SAT1: variants seen among roughly 807,000 people sequenced by gnomAD.
SAT1 encodes diamine acetyltransferase 1.
SAT1 carries 1 observed loss-of-function variant against 14.7 expected under a neutral mutation model. The observed-to-expected ratio is 0.07, with a 90% CI of 0.02 to 0.32. The LOEUF is 0.32. SAT1 is among the 10% of genes least tolerant of loss of function. The pLI, the probability that SAT1 is intolerant of heterozygous loss-of-function variation, is 1.00. For synonymous variants in SAT1, 67 were observed against 46.1 expected (o/e 1.45, Z -1.84); for missense variants, 77 against 129.1 (o/e 0.60, Z 1.96).
chrX:23,783,435 C>T lies in SAT1; in HGVS notation c.66+18C>T. The T allele has an allele frequency of 8.4e-7, 1 of 1,193,679 alleles. No homozygotes were observed. Among genetic ancestry groups the T allele is most frequent in the Non-Finnish European group, 1.1e-6 (1 of 880,256 alleles). On this transcript the variant is annotated intron_variant, in intron 1 of 5. Coordinates refer to ENST00000379270, the MANE Select transcript of SAT1 (RefSeq NM_002970.4). Reference sequence around the variant, plus strand: ...TGATCAAGGTAGCGGAGAGCCAGAGCTCCTCCCGGGGCGTGGGGTGGAGGT... The same window carrying T: ...TGATCAAGGTAGCGGAGAGCCAGAGTTCCTCCCGGGGCGTGGGGTGGAGGT...
intron 1 of SAT1, 101 bp downstream of exon 1, chrX:23,783,518 C>A: frequency 1.1e-6 from 1 of 951,464 alleles, no homozygotes; most frequent in Non-Finnish European, 1.4e-6. Flanking sequence ...GGTGTGAGAG[C>A]CCAGCCTGTT....
rs997021728 is a variant in SAT1 at position 23,786,007 on chromosome X, T to G, written c.*151T>G. Reference sequence around the variant, plus strand: ...GCGTTGTTGCATGTTTGAAATGAGGTCTGTTTAAAGTGGCAATCTCAGATG... The same window carrying G: ...GCGTTGTTGCATGTTTGAAATGAGGGCTGTTTAAAGTGGCAATCTCAGATG... On this transcript the variant is annotated 3_prime_UTR_variant, in exon 6 of 6. Coordinates refer to ENST00000379270, the MANE Select transcript of SAT1 (RefSeq NM_002970.4). The G allele has an allele frequency of 7.4e-5, 35 of 470,913 alleles. 1 individual carries two copies. The African/African-American group carries it at 7.9e-4, about 11-fold the overall frequency. 38.8% of individuals were successfully genotyped at this position (470,913 alleles called of 1,213,427 possible). A position where few individuals can be genotyped will look rare whatever the true frequency, so the allele number is the denominator to read the frequency against.
Position 23,783,786 on chromosome X carries a change from C to T in SAT1, c.119-14C>T, listed in dbSNP as rs1336985305. On this transcript the variant is annotated splice_polypyrimidine_tract_variant and intron_variant, in intron 2 of 5. Coordinates refer to ENST00000379270, the MANE Select transcript of SAT1 (RefSeq NM_002970.4). ...CGCCAAGGCCATTACCGCCCCTGCTCCCCCTTCTTGCAGATCTGCTAGAAG... is the reference window on the plus strand; with the variant it reads ...CGCCAAGGCCATTACCGCCCCTGCTTCCCCTTCTTGCAGATCTGCTAGAAG... 2 of 1,211,680 alleles carry T rather than the reference C, an allele frequency of 1.7e-6. No homozygotes were observed. Among genetic ancestry groups the T allele is most frequent in the South Asian group, 1.8e-5 (1 of 56,985 alleles).
chrX:23,783,582 T>G, intron 1 of SAT1, 76 bp from the exon 2 acceptor site: 2 of 531,826 alleles, frequency 3.8e-6, no homozygotes, highest in Non-Finnish European at 5.8e-6. Flanking sequence ...CCCGCCCCAT[T>G]CCGTTCCCCT....
At chrX:23,784,832 T>A (rs1296542020) in intron 3 of SAT1, 1 of 114,413 alleles carries the variant, frequency 8.7e-6, no homozygotes, top group Non-Finnish European at 1.8e-5. Flanking sequence ...GTTCTGAAAT[T>A]AAACGTTGTA....
chrX:23,783,214 C>G lies in SAT1; in HGVS notation c.-138C>G. 3.6e-6 allele frequency: 2 copies of G among 549,699 alleles called. No individual in the cohort carries two copies. Among genetic ancestry groups the G allele is most frequent in the African/African-American group, 2.3e-5 (1 of 44,340 alleles). 45.3% of individuals were successfully genotyped at this position (549,699 alleles called of 1,213,427 possible). The stretch of plus-strand genomic sequence containing the variant: ...CGGGCCGACTGGTGTTTATCCGTCA[C>G]TCGCCGAGGTTCCTTGGGTCATGGT... On this transcript the variant is annotated 5_prime_UTR_variant, in exon 1 of 6. Coordinates refer to ENST00000379270, the MANE Select transcript of SAT1 (RefSeq NM_002970.4).
In SAT1 at chrX:23,783,364, G is replaced by C. The variant is rs1922571273; in HGVS notation, c.13G>C (p.Val5Leu). The C allele has an allele frequency of 8.3e-7, 1 of 1,211,306 alleles. No individual in the cohort carries two copies. Among genetic ancestry groups the C allele is most frequent in the Non-Finnish European group, 1.1e-6 (1 of 895,025 alleles). ...GCAAAAGACGAAAATGGCTAAATTC[G>C]TGATCCGCCCAGCCACTGCCGCCGA... MAKFVIRPATAADCS... is the reference protein window; with the variant it reads MAKFLIRPATAADCS... The change falls in exon 1 of 6, where the codon GTG becomes CTG. Residue 5 changes from valine (V) to leucine (L), a missense_variant. Transcript: ENST00000379270.
chrX:23,784,233 G>A, intron 3 of SAT1: 10 of 863,778 alleles, frequency 1.2e-5, no homozygotes, highest in Non-Finnish European at 1.3e-5. Context: ...TGACCCTAAC[G>A]TAACAGTTTT....
rs147672674 is a variant in SAT1, at chrX:23,785,732, A to G, written c.392A>G (p.Glu131Gly). 1.2e-5 allele frequency: 14 copies of G among 1,207,964 alleles called. No homozygotes were observed. The African/African-American group carries it at 1.6e-4, about 14-fold the overall frequency. The change falls in exon 6 of 6, where the codon GAA becomes GGA. Residue 131 changes from glutamate to glycine, a missense_variant. Transcript: ENST00000379270. Reference protein sequence around the residue: ...RCSSMHFLVAEWNEPSINFYK... With the variant: ...RCSSMHFLVAGWNEPSINFYK... ...AGCAGCATGCACTTCTTGGTAGCAG[A>G]ATGGAATGAACCATCCATCAACTTC...
intron 3 of SAT1, chrX:23,784,799 A>G (rs1206240033): frequency 8.8e-6 from 1 of 113,477 alleles, no homozygotes; most frequent in East Asian, 2.8e-4. Context: ...GAGCAAATTG[A>G]AAATGCGTAA....
At chrX:23,783,742 G>T (rs191762819) in intron 2 of SAT1, 33 bp downstream of exon 2, 2 of 1,208,478 alleles carry the variant, frequency 1.7e-6, no homozygotes, top group Non-Finnish European at 2.2e-6. Flanking sequence ...GGGGACAAGC[G>T]TTCGGTGCCT....
In SAT1 at chrX:23,785,419, T is replaced by C. The variant is rs1399002019; in HGVS notation, c.294T>C (p.Ser98=). The change falls in exon 4 of 6, where the codon AGT becomes AGC. Residue 98 remains serine, a synonymous_variant. Transcript: ENST00000379270. ...ATCTTGAGGACTTCTTCGTGATGAGTGATTATAGAGGTACGATTGAGTTCG... is the reference window on the plus strand; with the variant it reads ...ATCTTGAGGACTTCTTCGTGATGAGCGATTATAGAGGTACGATTGAGTTCG... The part of the protein sequence containing the change: ...LLYLEDFFVM[S]DYRGFGIGSE... The C allele has an allele frequency of 2.5e-6, 3 of 1,190,665 alleles. No individual in the cohort carries two copies. The African/African-American group carries it at 5.3e-5, about 21-fold the overall frequency.
intron 1 of SAT1, 84 bp from the exon 2 acceptor site, chrX:23,783,574 C>A: frequency 4.2e-6 from 3 of 718,031 alleles, no homozygotes; most frequent in Non-Finnish European, 6.1e-6. Context: ...CCCGCCCGCC[C>A]GCCCCATTCC....
chrX:23,785,962 C>G lies in SAT1; in HGVS notation c.*106C>G, dbSNP rs1354643277. 14 of 708,088 alleles carry G rather than the reference C, an allele frequency of 2.0e-5. No individual in the cohort carries two copies. The highest frequency in any genetic ancestry group is 2.8e-5 in the Non-Finnish European group (14 of 500,915). The allele number at this position is 708,088 out of a possible 1,213,427, so 58.4% of individuals were successfully genotyped here. On this transcript the variant is annotated 3_prime_UTR_variant, in exon 6 of 6. Coordinates refer to ENST00000379270, the MANE Select transcript of SAT1 (RefSeq NM_002970.4). ...TGAAATAATAGAATGAGCACCCATT[C>G]CAAAGCTTTATTACCAGTGGCGTTG...
rs1922630686 is a variant in SAT1 at position 23,784,232 on chromosome X, C to T, written c.202+349C>T. 2.8e-5 allele frequency: 24 copies of T among 854,157 alleles called. No homozygotes were observed. In the South Asian group the frequency reaches 8.6e-4, roughly 31 times the overall value. The allele number at this position is 854,157 out of a possible 1,213,427, so 70.4% of individuals were successfully genotyped here. A position where few individuals can be genotyped will look rare whatever the true frequency, so the allele number is the denominator to read the frequency against. On this transcript the variant is annotated intron_variant, in intron 3 of 5. Transcript: ENST00000379270. ...TAAAATGGTTCTTGTTTGACCCTAA[C>T]GTAACAGTTTTTGTAATTGTGTTAA... is the stretch of plus-strand genomic sequence containing the variant.
chrX:23,783,364 G>T lies in SAT1; in HGVS notation c.13G>T (p.Val5Leu). The T allele has an allele frequency of 8.3e-7, 1 of 1,211,307 alleles. No homozygotes were observed. The highest frequency in any genetic ancestry group is 1.1e-6 in the Non-Finnish European group (1 of 895,026). The change falls in exon 1 of 6, where the codon GTG becomes TTG. Residue 5 changes from valine (V) to leucine (L), a missense_variant. Coordinates refer to ENST00000379270, the MANE Select transcript of SAT1 (RefSeq NM_002970.4). ...GCAAAAGACGAAAATGGCTAAATTC[G>T]TGATCCGCCCAGCCACTGCCGCCGA... MAKF[V>L]IRPATAADCS...
chrX:23,783,579 C>CCCA, intron 1 of SAT1, 79 bp from the exon 2 acceptor site: 32 of 769,816 alleles, frequency 4.2e-5, no homozygotes, highest in Non-Finnish European at 5.8e-5. Context: ...CCGCCCGCCC[C>CCCA]ATTCCGTTCC....
At chrX:23,785,640 G>A in intron 5 of SAT1, 46 bp from the exon 6 acceptor site, 1 of 1,194,037 alleles carries the variant, frequency 8.4e-7, no homozygotes, top group Non-Finnish European at 1.1e-6. Flanking sequence ...GGTCTTGAGA[G>A]CAGGCTGAAA....
At chrX:23,784,157 G>A (rs1242112200) in intron 3 of SAT1, 2 of 971,420 alleles carry the variant, frequency 2.1e-6, no homozygotes, top group Non-Finnish European at 2.6e-6. Context: ...TAAGTGCTGT[G>A]GAGACCCGGA....
Sources: gnomAD v4.1 joint callset for allele counts on GRCh38, gnomAD v4.1.1 for gene constraint, MANE v1.5 for transcripts, NCBI Gene and HGNC (gene_info 2026-07-23, HGNC 2026-07-21) for gene names.